Variants in SLC26A4 observed in about 807,000 individuals in gnomAD.
The protein encoded by SLC26A4 is pendrin.
Under a neutral mutation model 90.4 loss-of-function variants are expected in SLC26A4, and 93 were observed. The ratio of observed to expected loss-of-function variants is 1.03; its 90% CI spans 0.87 to 1.22. The LOEUF (loss-of-function observed/expected upper bound fraction) is 1.22, where lower values mean the gene tolerates loss of function less well. SLC26A4 is among the 50% of genes most tolerant of loss of function. SLC26A4 has a pLI of 0.00. For missense variants in SLC26A4, 1,127 were observed against 946.2 expected, an observed-to-expected ratio of 1.19 and a Z score of -2.51; for synonymous variants, 393 against 354.6, an observed-to-expected ratio of 1.11 and a Z score of -1.22.
intron 6 of SLC26A4, among the ~76,000 whole-genome samples, chr7:107,679,805 CTTATA>C (rs1487361282): frequency 1.4e-5 from 2 of 145,850 alleles, no homozygotes; most frequent in African/African-American, 2.5e-5. Context: ...TAAATATAAT[CTTATA>C]TTATTATATA....
intron 18 of SLC26A4, among the ~76,000 whole-genome samples, chr7:107,705,644 TAAA>T (rs1792019072): frequency 6.6e-6 from 1 of 151,604 alleles, no homozygotes; most frequent in Admixed American, 6.6e-5. Flanking sequence ...CATGACTGGT[TAAA>T]TTAAAGCAGA....
intron 18 of SLC26A4, among the ~76,000 whole-genome samples, chr7:107,705,772 T>C (rs1411395878): frequency 2.6e-5 from 4 of 152,234 alleles, no homozygotes; most frequent in African/African-American, 7.2e-5. Context: ...AAGCATCTTA[T>C]GATAGGGAGT....
rs2129314553 is a variant in SLC26A4, at chr7:107,683,496, A to G, written c.960A>G (p.Glu320=). The G allele has an allele frequency of 1.2e-6, 2 of 1,613,930 alleles. No homozygotes were observed. The highest frequency in any genetic ancestry group is 8.5e-7 in the Non-Finnish European group (1 of 1,179,866). Residue 320 remains glutamate, a synonymous_variant, in exon 8 of 21, where the codon GAA becomes GAG. Transcript: ENST00000644269. Reference sequence around the variant, plus strand: ...CCATTTCATATGGAGCCAACCTGGAAAAAAATTACAATGCTGGCATTGTTA... The same window carrying G: ...CCATTTCATATGGAGCCAACCTGGAGAAAAATTACAATGCTGGCATTGTTA... ...ATAISYGANL[E]KNYNAGIVKS...
rs759268252 is a variant in SLC26A4 at position 107,672,239 on chromosome 7, A to G, written c.406A>G (p.Ile136Val). Residue 136 changes from isoleucine to valine, a missense_variant, in exon 4 of 21, where the codon ATC becomes GTC. Transcript: ENST00000644269. ...CTTTATCTTTGGAACATCAAGACAT[A>G]TCTCAGTTGGTAATTATAAGTATAT... Reference protein sequence around the residue: ...TYFIFGTSRHISVGPFPVVSL... With the variant: ...TYFIFGTSRHVSVGPFPVVSL... 46 of 1,575,970 alleles carry G rather than the reference A, an allele frequency of 2.9e-5. No individual in the cohort carries two copies. The Admixed American group carries it at 7.2e-4, about 25-fold the overall frequency.
At position 107,682,132 on chromosome 7, in the gene SLC26A4, T is replaced by TAAAAA. The variant is rs1562828616; in HGVS notation, c.766-1070_766-1069insAAAAA. The stretch of plus-strand genomic sequence containing the variant: ...AAAAAAAAAAAAAAAAAAAAAAAAT[T>TAAAAA]TTTTTTATGTTATCTTAGTTCAAGT... On this transcript the variant is annotated intron_variant, in intron 6 of 20. Coordinates refer to ENST00000644269, the MANE Select transcript of SLC26A4 (RefSeq NM_000441.2). Among the ~76,000 whole-genome samples the TAAAAA allele has an allele frequency of 3.5e-4, 38 of 107,352 alleles. 4 individuals carry two copies. Among genetic ancestry groups the TAAAAA allele is most frequent in the African/African-American group, 8.4e-4 (24 of 28,728 alleles). The allele number at this position is 107,352 out of a possible 152,430, so 70.4% of individuals were successfully genotyped here.
In SLC26A4 at chr7:107,663,293, C is replaced by G. The variant is rs1436250461; in HGVS notation, c.165-3C>G. ...AAAACCCAGTTTTCTTGCTTTTTGA[C>G]AGTTGTTCAAGAAAGAGAGCCTTTG... On this transcript the variant is annotated splice_region_variant and splice_polypyrimidine_tract_variant and intron_variant, in intron 2 of 20. Coordinates refer to ENST00000644269, the MANE Select transcript of SLC26A4 (RefSeq NM_000441.2). The G allele has an allele frequency of 4.3e-6, 7 of 1,614,132 alleles. No individual in the cohort carries two copies. Among genetic ancestry groups the G allele is most frequent in the Non-Finnish European group, 5.9e-6 (7 of 1,180,014 alleles).
intron 18 of SLC26A4, among the ~76,000 whole-genome samples, chr7:107,704,858 A>G (rs1373502260): frequency 6.6e-6 from 1 of 152,268 alleles, no homozygotes; most frequent in Non-Finnish European, 1.5e-5. Context: ...CAAGTATCAG[A>G]TAACAATTTA....
At position 107,663,183 on chromosome 7, in the gene SLC26A4, C is replaced by T. The variant is rs2248465; in HGVS notation, c.165-113C>T. 860,906 of 1,194,196 alleles carry T rather than the reference C, an allele frequency of 0.72. 313,346 individuals carry two copies. The highest frequency in any genetic ancestry group is 0.8 in the South Asian group (65,117 of 81,468). 74.0% of individuals were successfully genotyped at this position (1,194,196 alleles called of 1,614,324 possible). On this transcript the variant is annotated intron_variant, in intron 2 of 20. Coordinates refer to ENST00000644269, the MANE Select transcript of SLC26A4 (RefSeq NM_000441.2). ...TTATTATTTTCCAGGAAATACTTAT[C>T]CTTTTTCCAAATAGTTATAAACATC...
intron 8 of SLC26A4, among the ~76,000 whole-genome samples, chr7:107,685,749 A>C (rs1791378944): frequency 6.6e-6 from 1 of 152,204 alleles, no homozygotes; most frequent in African/African-American, 2.4e-5. Flanking sequence ...AGGGCCAGTC[A>C]TGTGCCTCTC....
intron 3 of SLC26A4, among the ~76,000 whole-genome samples, chr7:107,666,053 G>T (rs17154292): frequency 6.6e-6 from 1 of 152,176 alleles, no homozygotes; most frequent in African/African-American, 2.4e-5. Context: ...TGCACTCAGT[G>T]GTTCATTAAC....
intron 3 of SLC26A4, among the ~76,000 whole-genome samples, chr7:107,670,403 G>T (rs572539288): frequency 2.0e-5 from 3 of 151,964 alleles, no homozygotes; most frequent in Non-Finnish European, 4.4e-5. Context: ...CACCGCGCCC[G>T]GTCCCTCCGG....
At chr7:107,694,829 C>A in intron 12 of SLC26A4, 113 bp downstream of exon 12, 1 of 768,856 alleles carries the variant, frequency 1.3e-6, no homozygotes, top group East Asian at 2.6e-5. Context: ...TTTGGGAACT[C>A]CAGAGGAGAA....
chr7:107,674,309 GA>G lies in SLC26A4; in HGVS notation c.562del (p.Ile188LeufsTer5). 1 of 1,613,938 alleles carries G rather than the reference GA, an allele frequency of 6.2e-7. No homozygotes were observed. The highest frequency in any genetic ancestry group is 8.5e-7 in the Non-Finnish European group (1 of 1,179,852). The part of the protein sequence containing the change: ...TAARDTARVL[I>X]ASALTLLVGI... The stretch of plus-strand genomic sequence containing the variant: ...CAGCTAGAGATACAGCTAGAGTCCT[GA>G]TTGCCAGTGCCCTGACTCTGCTGGT... On this transcript the variant is annotated frameshift_variant, in exon 5 of 21. Coordinates refer to ENST00000644269, the MANE Select transcript of SLC26A4 (RefSeq NM_000441.2). LOFTEE classifies it high-confidence loss of function.
At chr7:107,676,563 C>T (rs1791029541) in intron 6 of SLC26A4, among the ~76,000 whole-genome samples, 1 of 152,112 alleles carries the variant, frequency 6.6e-6, no homozygotes, top group African/African-American at 2.4e-5. Flanking sequence ...GTTATTGATG[C>T]TTGAAAAATG....
rs866198134 is a variant in SLC26A4, at chr7:107,712,567, C to T, written c.2264C>T (p.Thr755Ile). 1.3e-6 allele frequency: 2 copies of T among 1,587,980 alleles called. No homozygotes were observed. The highest frequency in any genetic ancestry group is 1.1e-5 in the South Asian group (1 of 90,486). Residue 755 changes from threonine (T) to isoleucine (I), a missense_variant, in exon 20 of 21, where the codon ACC becomes ATC. Coordinates refer to ENST00000644269, the MANE Select transcript of SLC26A4 (RefSeq NM_000441.2). ...TITLIQDCKD[T>I]LELIETELTE... Reference sequence around the variant, plus strand: ...ACTCTCATTCAGGATTGTAAAGATACCCTTGAATTAATAGAAACAGAGCTG... The same window carrying T: ...ACTCTCATTCAGGATTGTAAAGATATCCTTGAATTAATAGAAACAGAGCTG...
Position 107,710,101 on chromosome 7 carries a change from A to G in SLC26A4, c.2137A>G (p.Ile713Val), listed in dbSNP as rs148988363. ...LEQCGFFDDN[I>V]RKDTFFLTVH... ...GCAATGCGGGTTCTTTGACGACAAC[A>G]TTAGAAAGGACACATTCTTTTTGAC... is the stretch of plus-strand genomic sequence containing the variant. Residue 713 changes from isoleucine (I) to valine (V), a missense_variant, in exon 19 of 21, where the codon ATT becomes GTT. Transcript: ENST00000644269. 6.2e-7 allele frequency: 1 copy of G among 1,611,708 alleles called. No homozygotes were observed. The highest frequency in any genetic ancestry group is 1.1e-5 in the South Asian group (1 of 91,054).
intron 9 of SLC26A4, among the ~76,000 whole-genome samples, chr7:107,689,566 A>G (rs1562832846): frequency 6.6e-6 from 1 of 152,218 alleles, no homozygotes; most frequent in African/African-American, 2.4e-5. Context: ...ACAAACATTA[A>G]TAATAGTTGT....
In SLC26A4 at chr7:107,679,515, T is replaced by C. The variant is rs568131648; in HGVS notation, c.766-3687T>C. Among the ~76,000 whole-genome samples, 3 of 152,172 alleles carry C rather than the reference T, an allele frequency of 2.0e-5. No individual in the cohort carries two copies. The South Asian group carries it at 6.2e-4, about 32-fold the overall frequency. ...TTCTCATACACATTATTGGGCATAA[T>C]TTTTTCTTACGGTTTCATAAACACA... On this transcript the variant is annotated intron_variant, in intron 6 of 20. Transcript: ENST00000644269.
chr7:107,711,471 G>C (rs1792182955), intron 19 of SLC26A4, among the ~76,000 whole-genome samples: 1 of 152,114 alleles, frequency 6.6e-6, no homozygotes, highest in African/African-American at 2.4e-5. Context: ...CAATCAGAGA[G>C]GTATTGTGAG....
Sources: gnomAD v4.1 joint callset for allele counts (sites outside exome capture counted in the v4.1 genomes callset) on GRCh38, gnomAD v4.1.1 for gene constraint, MANE v1.5 for transcripts, NCBI Gene and HGNC (gene_info 2026-07-23, HGNC 2026-07-21) for gene names.